Variants in SLX4 observed in about 807,000 individuals in gnomAD.
The protein encoded by SLX4 is structure-specific endonuclease subunit SLX4.
A neutral mutation model predicts 146.2 loss-of-function variants in SLX4; 112 were observed. That is an observed-to-expected ratio of 0.77 (90% confidence interval 0.66 to 0.90). The LOEUF is 0.90. SLX4 is among the 40% of genes least tolerant of loss of function. SLX4 has a pLI of 0.00. For missense variants in SLX4, 2,563 were observed against 2,392.7 expected, an observed-to-expected ratio of 1.07 and a Z score of -1.49; for synonymous variants, 1,061 against 997.7, an observed-to-expected ratio of 1.06 and a Z score of -1.20.
At position 3,590,592 on chromosome 16, in the gene SLX4, G is replaced by C. The variant is rs141412644; in HGVS notation, c.3046C>G (p.Leu1016Val). ...GGAGCCAGGCGATGAGAAACCTCCA[G>C]CCCCCTTTCCCTGACAGCGCCACTT... The part of the protein sequence containing the change: ...EQSGAVRERG[L>V]EVSHRLAPWQ... Residue 1016 changes from leucine (L) to valine (V), a missense_variant, in exon 12 of 15, where the codon CTG becomes GTG. Leu to Val is a conservative substitution (Grantham distance 32). Coordinates refer to ENST00000294008, the MANE Select transcript of SLX4 (RefSeq NM_032444.4). The surrounding 1 kb of genome is among the most constrained non-coding windows in gnomAD (Gnocchi z 4.8). 6.2e-7 allele frequency: 1 copy of C among 1,613,596 alleles called. No homozygotes were observed. The highest frequency in any genetic ancestry group is 8.5e-7 in the Non-Finnish European group (1 of 1,179,542).
At position 3,589,761 on chromosome 16, in the gene SLX4, T is replaced by G. The variant is rs758320008; in HGVS notation, c.3877A>C (p.Arg1293=). The change falls in exon 12 of 15, where the codon AGG becomes CGG. Residue 1293 remains arginine (R), a synonymous_variant. Transcript: ENST00000294008. The surrounding 1 kb of genome is among the most constrained non-coding windows in gnomAD (Gnocchi z 6.2). ...CCTTCCCTGTTTCCTACTGAGGCCC[T>G]GGGCGTGTGCTGAGTCACCGCCTGC... is the stretch of plus-strand genomic sequence containing the variant. ...AVQAVTQHTP[R]ASVGNREGNE... The G allele has an allele frequency of 1.2e-6, 2 of 1,613,644 alleles. No homozygotes were observed. Among genetic ancestry groups the G allele is most frequent in the Non-Finnish European group, 1.7e-6 (2 of 1,180,030 alleles).
intron 2 of SLX4, 43 bp downstream of exon 2, chr16:3,608,387 C>T: frequency 1.9e-6 from 3 of 1,610,622 alleles, no homozygotes; most frequent in Non-Finnish European, 2.5e-6. Flanking sequence ...CTGGCCCTTT[C>T]CAGGAAGTTT....
chr16:3,602,263 C>G lies in SLX4; in HGVS notation c.805G>C (p.Ala269Pro), dbSNP rs763480007. The G allele has an allele frequency of 6.2e-7, 1 of 1,614,182 alleles. No homozygotes were observed. The highest frequency in any genetic ancestry group is 2.2e-5 in the East Asian group (1 of 44,884). The change falls in exon 4 of 15, where the codon GCC becomes CCC. Residue 269 changes from alanine to proline, a missense_variant. Physicochemically the swap from Ala to Pro is conservative, Grantham distance 27. Coordinates refer to ENST00000294008, the MANE Select transcript of SLX4 (RefSeq NM_032444.4). ...PPAPESDAAV[A>P]LTLQQEFARV... ...GCAAACTCCTGCTGCAGGGTCAAGG[C>G]CACCGCAGCGTCGCTCTCTGGGGCA...
Position 3,590,688 on chromosome 16 carries a change from C to T in SLX4, c.2950G>A (p.Glu984Lys), listed in dbSNP as rs750906921. ...LPHSDDAGDY[E>K]QLFSSTQGEI... ...CCCTGAGTTGATGAGAAGAGCTGTT[C>T]GTAATCCCCGGCATCATCTGAGTGC... The change falls in exon 12 of 15, where the codon GAA becomes AAA. Residue 984 changes from glutamate to lysine, a missense_variant. Transcript: ENST00000294008. The surrounding 1 kb of genome is among the most constrained non-coding windows in gnomAD (Gnocchi z 4.8). The T allele has an allele frequency of 1.2e-5, 19 of 1,614,066 alleles. No individual in the cohort carries two copies. Among genetic ancestry groups the T allele is most frequent in the South Asian group, 9.9e-5 (9 of 91,088 alleles).
Position 3,583,362 on chromosome 16 carries a change from C to T in SLX4, c.4888G>A (p.Ala1630Thr), listed in dbSNP as rs776578234. Residue 1630 changes from alanine (A) to threonine (T), a missense_variant, in exon 14 of 15, where the codon GCC becomes ACC. Physicochemically the swap from Ala to Thr is moderately conservative, Grantham distance 58 (BLOSUM62 0). Transcript: ENST00000294008. ...LLQAPHCQTL[A>T]SQTYKPSRAG... ...CTTGAAGGCTTGTAGGTCTGGGAGGCGAGGGTCTGGCAGTGAGGCGCCTGC... is the reference window on the plus strand; with the variant it reads ...CTTGAAGGCTTGTAGGTCTGGGAGGTGAGGGTCTGGCAGTGAGGCGCCTGC... 33 of 1,613,058 alleles carry T rather than the reference C, an allele frequency of 2.0e-5. No individual in the cohort carries two copies. Among genetic ancestry groups the T allele is most frequent in the East Asian group, 6.7e-5 (3 of 44,880 alleles).
Position 3,593,325 on chromosome 16 carries a change from C to T in SLX4, c.2161-460G>A, listed in dbSNP as rs543266823. Among the ~76,000 whole-genome samples, 18 of 152,326 alleles carry T rather than the reference C, an allele frequency of 1.2e-4. No individual in the cohort carries two copies. In the East Asian group the frequency reaches 2.1e-3, roughly 18 times the overall value. ...CTGACCTCAGGTGATCCACCCTCCT[C>T]GGCCTCCCAAAGTGCTGGGATTACT... On this transcript the variant is annotated intron_variant, in intron 10 of 14. Coordinates refer to ENST00000294008, the MANE Select transcript of SLX4 (RefSeq NM_032444.4).
intron 12 of SLX4, among the ~76,000 whole-genome samples, chr16:3,585,929 G>T (rs1170668625): frequency 6.6e-6 from 1 of 151,856 alleles, no homozygotes; most frequent in African/African-American, 2.4e-5. Flanking sequence ...CCTGAGCCAG[G>T]AAGGTTGAGG....
In SLX4 at chr16:3,609,302, G is replaced by A. The variant is rs2040822979; in HGVS notation, c.-338C>T. The A allele has an allele frequency of 3.6e-6, 1 of 274,520 alleles. No individual in the cohort carries two copies. The highest frequency in any genetic ancestry group is 6.8e-5 in the East Asian group (1 of 14,618). 17.0% of individuals were successfully genotyped at this position (274,520 alleles called of 1,614,324 possible). ...AGATGCCTGTAATCCCAGCTACTCG[G>A]GAGGCAGAGGCAAGAGAATCGCTTG... is the stretch of plus-strand genomic sequence containing the variant. On this transcript the variant is annotated 5_prime_UTR_variant, in exon 2 of 15. Coordinates refer to ENST00000294008, the MANE Select transcript of SLX4 (RefSeq NM_032444.4).
At chr16:3,610,739 C>G (rs2040852433) in intron 1 of SLX4, among the ~76,000 whole-genome samples, 1 of 152,218 alleles carries the variant, frequency 6.6e-6, no homozygotes, top group African/African-American at 2.4e-5. Flanking sequence ...TATTACTTTG[C>G]AACCTCTTTG....
intron 2 of SLX4, 136 bp from the exon 3 acceptor site, chr16:3,606,834 G>C (rs2040791238): frequency 2.3e-6 from 2 of 883,258 alleles, no homozygotes; most frequent in Non-Finnish European, 3.7e-6. Context: ...AATGTGAAGA[G>C]GACTGGTTGC....
rs777829533 is a variant in SLX4, at chr16:3,596,277, C to T, written c.1800G>A (p.Pro600=). The change falls in exon 8 of 15, where the codon CCG becomes CCA. Residue 600 remains proline (P), a synonymous_variant. Coordinates refer to ENST00000294008, the MANE Select transcript of SLX4 (RefSeq NM_032444.4). ...GCTCCCTCTGGCTGGCCGAAGGCGACGGGCCCCTGGAGCCACAGCCTGCAG... is the reference window on the plus strand; with the variant it reads ...GCTCCCTCTGGCTGGCCGAAGGCGATGGGCCCCTGGAGCCACAGCCTGCAG... ...TPTAGCGSRG[P]SPSASQREHQ... is the part of the protein sequence containing the mutation. 2.1e-5 allele frequency: 33 copies of T among 1,566,320 alleles called. No homozygotes were observed. The highest frequency in any genetic ancestry group is 4.7e-5 in the East Asian group (2 of 42,348).
rs1448205314 is a variant in SLX4, at chr16:3,589,158, CCG to C, written c.4478_4479del (p.Ser1493TrpfsTer8). The C allele has an allele frequency of 8.7e-6, 14 of 1,614,164 alleles. No individual in the cohort carries two copies. The highest frequency in any genetic ancestry group is 1.1e-5 in the Non-Finnish European group (13 of 1,180,028). The stretch of plus-strand genomic sequence containing the variant: ...CTGCTATTCCCCAGGGAGCCCGCGC[CCG>C]AGGACTTCTCTTGCAATTTCCTCTG... ...TTQRKLQEKSSGAGSLGNSRP... is the reference protein window; with the variant it reads ...TTQRKLQEKSXGAGSLGNSRP... On this transcript the variant is annotated frameshift_variant, in exon 12 of 15. Coordinates refer to ENST00000294008, the MANE Select transcript of SLX4 (RefSeq NM_032444.4). LOFTEE classifies it high-confidence loss of function. The surrounding 1 kb of genome is among the most constrained non-coding windows in gnomAD (Gnocchi z 6.2).
At position 3,584,822 on chromosome 16, in the gene SLX4, C is replaced by T. The variant is rs752013105; in HGVS notation, c.4686G>A (p.Pro1562=). ...KNLPPKVPIT[P]MPQYSIMETP... is the part of the protein sequence containing the mutation. ...TCTCCATAATGGAATACTGTGGCAT[C>T]GGCGTTATGGGCACTTTGGGGGGCA... The change falls in exon 13 of 15, where the codon CCG becomes CCA. Residue 1562 remains proline, a synonymous_variant. Transcript: ENST00000294008. 10 of 1,614,040 alleles carry T rather than the reference C, an allele frequency of 6.2e-6. No individual in the cohort carries two copies. Among genetic ancestry groups the T allele is most frequent in the African/African-American group, 2.7e-5 (2 of 74,920 alleles).
rs753159332 is a variant in SLX4, at chr16:3,582,638, C to T, written c.5209G>A (p.Glu1737Lys). The change falls in exon 15 of 15, where the codon GAG becomes AAG. Residue 1737 changes from glutamate (E) to lysine (K), a missense_variant. Physicochemically the swap from Glu to Lys is moderately conservative, Grantham distance 56. Transcript: ENST00000294008. The part of the protein sequence containing the change: ...AFESAGEEEG[E>K]GEVSASQAAV... ...GCCTGCGAGGCACTGACCTCCCCCTCGCCCTCCTCTTCACCTGCAGACTCA... is the reference window on the plus strand; with the variant it reads ...GCCTGCGAGGCACTGACCTCCCCCTTGCCCTCCTCTTCACCTGCAGACTCA... The T allele has an allele frequency of 2.5e-6, 4 of 1,613,494 alleles. No homozygotes were observed. The highest frequency in any genetic ancestry group is 1.3e-5 in the African/African-American group (1 of 75,070).
chr16:3,607,885 AG>A (rs1238690442), intron 2 of SLX4, among the ~76,000 whole-genome samples: 1 of 152,218 alleles, frequency 6.6e-6, no homozygotes, highest in Non-Finnish European at 1.5e-5. Flanking sequence ...AGAAAACAAG[AG>A]AAGCAGCATT....
chr16:3,581,911 C>T lies in SLX4; in HGVS notation c.*431G>A, dbSNP rs542209079. On this transcript the variant is annotated 3_prime_UTR_variant, in exon 15 of 15. Transcript: ENST00000294008. ...ATAAAAAATCAGCTGGGCGTGGCAG[C>T]GTGTGCCTGTAGTCCCAGCTATCTG... 9.2e-5 allele frequency: 20 copies of T among 217,402 alleles called. No homozygotes were observed. The highest frequency in any genetic ancestry group is 3.9e-4 in the African/African-American group (17 of 43,542). The allele number at this position is 217,402 out of a possible 1,614,324, so 13.5% of individuals were successfully genotyped here. A position where few individuals can be genotyped will look rare whatever the true frequency, so the allele number is the denominator to read the frequency against.
chr16:3,607,840 G>A lies in SLX4; in HGVS notation c.535+590C>T, dbSNP rs74633101. Among the ~76,000 whole-genome samples the A allele has an allele frequency of 6.4e-3, 981 of 152,290 alleles. 18 individuals are homozygous for A. Among genetic ancestry groups the A allele is most frequent in the East Asian group, 0.051 (267 of 5,190 alleles). On this transcript the variant is annotated intron_variant, in intron 2 of 14. Transcript: ENST00000294008. ...CTCAGCAGCCTATCCAAATTGGCTG[G>A]CCCAGTCCAACTTACCCACTTTGGA...
At chr16:3,596,024 T>TGC in intron 8 of SLX4, 129 bp downstream of exon 8, 1 of 1,355,348 alleles carries the variant, frequency 7.4e-7, no homozygotes, top group Non-Finnish European at 9.8e-7. Context: ...GCCCAGAGGC[T>TGC]GCGTGTTCTC....
At chr16:3,586,502 CA>C (rs2040510005) in intron 12 of SLX4, among the ~76,000 whole-genome samples, 1 of 152,062 alleles carries the variant, frequency 6.6e-6, no homozygotes, top group Non-Finnish European at 1.5e-5. Flanking sequence ...GCCTGGGTGA[CA>C]GAGCAAGACC....
Sources: allele counts gnomAD v4.1 joint callset (sites outside exome capture counted in the v4.1 genomes callset), GRCh38; gene constraint gnomAD v4.1.1; non-coding constraint Gnocchi (gnomAD v3.1); transcripts MANE v1.5; gene names NCBI Gene and HGNC (gene_info 2026-07-23, HGNC 2026-07-21).